MAP4K4: variants seen among roughly 807,000 people sequenced by gnomAD.
The protein encoded by MAP4K4 is mitogen-activated protein kinase kinase kinase kinase 4.
A neutral mutation model predicts 189.6 loss-of-function variants in MAP4K4; 38 were observed. That is an observed-to-expected ratio of 0.20 (90% CI 0.15 to 0.26). The LOEUF is 0.26. MAP4K4 is among the 10% of genes least tolerant of loss of function. The pLI, the probability that MAP4K4 is intolerant of heterozygous loss-of-function variation, is 1.00. For missense variants in MAP4K4, 1,054 were observed against 1,726.9 expected (o/e 0.61, Z 6.91); for synonymous variants, 610 against 624.3 (o/e 0.98, Z 0.34).
At chr2:101,736,547 T>C (rs1198194141) in intron 2 of MAP4K4, among the ~76,000 whole-genome samples, 1 of 152,250 alleles carries the variant, frequency 6.6e-6, no homozygotes, top group East Asian at 1.9e-4. Context: ...ACTTGCTTAT[T>C]GCAGCAGTGC....
intron 2 of MAP4K4, among the ~76,000 whole-genome samples, chr2:101,704,567 ATTTTTTTTTTTT>A (rs57278834): frequency 0.014 from 316 of 23,404 alleles, 4 homozygotes; most frequent in Middle Eastern, 0.038. Flanking sequence ...ATATATATAT[ATTTTTTTTTTTT>A]TTTTTTTTTT....
chr2:101,740,188 C>T (rs1381097722), intron 2 of MAP4K4, among the ~76,000 whole-genome samples: 1 of 84,922 alleles, frequency 1.2e-5, no homozygotes, highest in Non-Finnish European at 1.8e-5. Flanking sequence ...GAGTCTCGCT[C>T]TGTCGCCCAG....
At chr2:101,726,805 G>T (rs773945622) in intron 2 of MAP4K4, among the ~76,000 whole-genome samples, 8 of 152,136 alleles carry the variant, frequency 5.3e-5, no homozygotes, top group Non-Finnish European at 1.0e-4. Flanking sequence ...TCCTTTTTCT[G>T]TTGCTCATAA....
intron 2 of MAP4K4, among the ~76,000 whole-genome samples, chr2:101,749,749 G>C (rs1397796223): frequency 6.9e-6 from 1 of 144,246 alleles, no homozygotes; most frequent in African/African-American, 2.7e-5. Context: ...GAAAATTTTC[G>C]CAACCTACTC....
At chr2:101,751,183 T>G (rs1023095346) in intron 2 of MAP4K4, among the ~76,000 whole-genome samples, 1 of 152,208 alleles carries the variant, frequency 6.6e-6, no homozygotes, top group African/African-American at 2.4e-5. Flanking sequence ...TGTTCAACAG[T>G]TGTACATACA....
intron 2 of MAP4K4, among the ~76,000 whole-genome samples, chr2:101,789,384 TG>T (rs2092433462): frequency 6.6e-6 from 1 of 152,188 alleles, no homozygotes; most frequent in South Asian, 2.1e-4. Flanking sequence ...CCACTGACCA[TG>T]TGCCACACAA....
At chr2:101,872,313 G>GTTAA (rs1193870322) in intron 24 of MAP4K4, among the ~76,000 whole-genome samples, 1 of 152,190 alleles carries the variant, frequency 6.6e-6, no homozygotes, top group South Asian at 2.1e-4. Context: ...AAATTAGGAT[G>GTTAA]TTAAGCAAGA....
At chr2:101,770,105 T>TATC (rs771682983) in intron 2 of MAP4K4, among the ~76,000 whole-genome samples, 1 of 152,218 alleles carries the variant, frequency 6.6e-6, no homozygotes, top group South Asian at 2.1e-4. Flanking sequence ...ACTCTGAGTT[T>TATC]ATCATATCCC....
chr2:101,817,036 A>G (rs1177583414), intron 3 of MAP4K4, among the ~76,000 whole-genome samples: 1 of 151,828 alleles, frequency 6.6e-6, no homozygotes, highest in Non-Finnish European at 1.5e-5. Flanking sequence ...AAAATAGTAT[A>G]TGACAATTGT....
At chr2:101,698,183 G>GCCGGCAC (rs2149084475) in intron 1 of MAP4K4, 46 bp downstream of exon 1, 1 of 943,678 alleles carries the variant, frequency 1.1e-6, no homozygotes, top group Non-Finnish European at 1.3e-6. Flanking sequence ...GCAGCCGGCA[G>GCCGGCAC]CCGGCAGCCG....
At chr2:101,887,517 G>A (rs550575950) in intron 30 of MAP4K4, among the ~76,000 whole-genome samples, 1 of 152,286 alleles carries the variant, frequency 6.6e-6, no homozygotes, top group Middle Eastern at 3.4e-3. Flanking sequence ...GAATATCCCT[G>A]GGTTGGGAGT....
chr2:101,813,655 G>A (rs1303510813), intron 3 of MAP4K4, among the ~76,000 whole-genome samples: 2 of 152,192 alleles, frequency 1.3e-5, no homozygotes, highest in African/African-American at 2.4e-5. Context: ...TTGTTGTTTG[G>A]AAGAGAGGAT....
At chr2:101,744,315 G>A (rs557435628) in intron 2 of MAP4K4, among the ~76,000 whole-genome samples, 1 of 152,212 alleles carries the variant, frequency 6.6e-6, no homozygotes, top group Admixed American at 6.5e-5. Flanking sequence ...CATTAATTAG[G>A]CAATTTACAT....
At chr2:101,873,803 G>C (rs112077155) in intron 25 of MAP4K4, 39 bp downstream of exon 25, 4 of 1,419,332 alleles carry the variant, frequency 2.8e-6, no homozygotes, top group Non-Finnish European at 3.9e-6. Context: ...TGACAAATGG[G>C]ACTTTATCTT....
chr2:101,743,119 G>C (rs1345924259), intron 2 of MAP4K4, among the ~76,000 whole-genome samples: 1 of 152,128 alleles, frequency 6.6e-6, no homozygotes, highest in African/African-American at 2.4e-5. Context: ...AAGATTGTTA[G>C]GGATGTGTGA....
chr2:101,891,031 T>G, intron 32 of MAP4K4, 135 bp from the exon 33 acceptor site: 1 of 682,130 alleles, frequency 1.5e-6, no homozygotes, highest in Admixed American at 2.4e-5. Context: ...GCCTCAGAGT[T>G]TCTTTTGAAA....
In MAP4K4 at chr2:101,740,401, G is replaced by A. The variant is rs373649240; in HGVS notation, c.123+41863G>A. 3.1e-4 allele frequency among the ~76,000 whole-genome samples: 32 copies of A among 102,448 alleles called. No homozygotes were observed. In the East Asian group the frequency reaches 6.6e-3, roughly 21 times the overall value. The allele number at this position is 102,448 out of a possible 152,430, so 67.2% of individuals were successfully genotyped here. ...GATCTCCTGACCTCGTGATCCGCCCGCCTCGGCCTCCCAAAGTGCTGGGAT... is the reference window on the plus strand; with the variant it reads ...GATCTCCTGACCTCGTGATCCGCCCACCTCGGCCTCCCAAAGTGCTGGGAT... On this transcript the variant is annotated intron_variant, in intron 2 of 32. Transcript: ENST00000324219.
intron 2 of MAP4K4, among the ~76,000 whole-genome samples, chr2:101,724,094 T>C (rs980830801): frequency 3.3e-5 from 5 of 152,232 alleles, no homozygotes; most frequent in African/African-American, 1.2e-4. Flanking sequence ...ACATGTCTTT[T>C]TTTCTGTCTT....
intron 2 of MAP4K4, among the ~76,000 whole-genome samples, chr2:101,720,611 G>A (rs2051305863): frequency 6.6e-6 from 1 of 152,144 alleles, no homozygotes; most frequent in Non-Finnish European, 1.5e-5. Flanking sequence ...GATGATTAGA[G>A]GACACTCTGG....
Sources: allele counts gnomAD v4.1 joint callset (sites outside exome capture counted in the v4.1 genomes callset), GRCh38; gene constraint gnomAD v4.1.1; transcripts MANE v1.5; gene names NCBI Gene and HGNC (gene_info 2026-07-23, HGNC 2026-07-21).